Variants in MRRF observed in about 807,000 individuals in gnomAD.
The protein encoded by MRRF is ribosome-recycling factor, mitochondrial.
In MRRF, 18 loss-of-function variants were observed where a neutral mutation model predicts 25.1. That is an observed-to-expected ratio of 0.72 (90% CI 0.50 to 1.06). MRRF has a LOEUF of 1.06. MRRF is among the 50% of genes least tolerant of loss of function. MRRF has a pLI of 0.00. For synonymous variants in MRRF, 113 were observed against 112.1 expected, an observed-to-expected ratio of 1.01 and a Z score of -0.05; for missense variants, 323 against 319.3, an observed-to-expected ratio of 1.01 and a Z score of -0.09.
At chr9:122,317,754 G>A (rs1458883366) in intron 6 of MRRF, among the ~76,000 whole-genome samples, 2 of 152,132 alleles carry the variant, frequency 1.3e-5, no homozygotes, top group African/African-American at 2.4e-5. Context: ...TTTTGAGTGA[G>A]ATTATCTTTT....
chr9:122,295,745 C>A (rs1473031289), intron 5 of MRRF, among the ~76,000 whole-genome samples: 1 of 152,044 alleles, frequency 6.6e-6, no homozygotes, highest in Non-Finnish European at 1.5e-5. Context: ...TGCGCCTGGC[C>A]CCTTAGATCA....
chr9:122,295,817 G>C (rs578112216), intron 5 of MRRF, among the ~76,000 whole-genome samples: 1 of 152,198 alleles, frequency 6.6e-6, no homozygotes, highest in East Asian at 1.9e-4. Context: ...GATTGATCCT[G>C]ATTCTTCCAC....
intron 4 of MRRF, chr9:122,285,808 A>G (rs1437986093): frequency 7.8e-7 from 1 of 1,281,810 alleles, no homozygotes. Context: ...CAATACTTTA[A>G]TGGGCCAAAT....
chr9:122,268,034 A>C (rs143191603), intron 1 of MRRF, among the ~76,000 whole-genome samples: 143 of 152,336 alleles, frequency 9.4e-4, no homozygotes, highest in African/African-American at 3.3e-3. Flanking sequence ...TTGTTGGCTC[A>C]TACTTGGGAT....
chr9:122,283,611 A>G (rs747400436), intron 3 of MRRF, among the ~76,000 whole-genome samples: 5 of 152,234 alleles, frequency 3.3e-5, no homozygotes, highest in Admixed American at 6.5e-5. Context: ...TTATGATGAC[A>G]TTGAATCTGG....
intron 5 of MRRF, among the ~76,000 whole-genome samples, chr9:122,297,308 CA>C (rs910201996): frequency 2.0e-5 from 3 of 150,576 alleles, no homozygotes. Context: ...GACTCCATCT[CA>C]AAAAAAAAGA....
chr9:122,270,565 C>G (rs575358006), intron 1 of MRRF, among the ~76,000 whole-genome samples: 2 of 152,268 alleles, frequency 1.3e-5, no homozygotes, highest in East Asian at 3.9e-4. Context: ...AAGTTTTAGT[C>G]TGCTGCATAT....
At chr9:122,268,468 T>C (rs182647221) in intron 1 of MRRF, among the ~76,000 whole-genome samples, 2 of 152,296 alleles carry the variant, frequency 1.3e-5, no homozygotes, top group African/African-American at 4.8e-5. Flanking sequence ...TAGGCATTGG[T>C]TTTATTAGGG....
chr9:122,321,844 T>C (rs1239722013), intron 6 of MRRF, among the ~76,000 whole-genome samples: 1 of 152,200 alleles, frequency 6.6e-6, no homozygotes, highest in Non-Finnish European at 1.5e-5. Flanking sequence ...TAGGAAATTC[T>C]AGAGGCTCAT....
intron 3 of MRRF, among the ~76,000 whole-genome samples, chr9:122,284,947 C>T (rs1378764114): frequency 5.9e-5 from 9 of 152,206 alleles, no homozygotes; most frequent in African/African-American, 2.2e-4. Flanking sequence ...GCCACCATAC[C>T]TGCTAATTAA....
At chr9:122,273,637 A>G (rs1430669159) in intron 2 of MRRF, among the ~76,000 whole-genome samples, 1 of 152,174 alleles carries the variant, frequency 6.6e-6, no homozygotes, top group Non-Finnish European at 1.5e-5. Flanking sequence ...ACAATCATGT[A>G]CTTATTACCC....
chr9:122,321,421 A>G (rs1042515142), intron 6 of MRRF, among the ~76,000 whole-genome samples: 1 of 152,198 alleles, frequency 6.6e-6, no homozygotes, highest in Non-Finnish European at 1.5e-5. Flanking sequence ...TAGATTTTCT[A>G]ATTTTTGTAT....
chr9:122,295,697 C>T (rs905741479), intron 5 of MRRF, among the ~76,000 whole-genome samples: 5 of 152,130 alleles, frequency 3.3e-5, no homozygotes, highest in Admixed American at 6.5e-5. Context: ...CTGCCCACTT[C>T]GGCCACCCAA....
chr9:122,274,380 G>A (rs575757567), intron 2 of MRRF, among the ~76,000 whole-genome samples: 1 of 152,344 alleles, frequency 6.6e-6, no homozygotes, highest in East Asian at 1.9e-4. Context: ...ATTTAGGCCA[G>A]GCACGATGGC....
At chr9:122,293,614 C>CTA (rs1833907762) in intron 5 of MRRF, among the ~76,000 whole-genome samples, 1 of 152,158 alleles carries the variant, frequency 6.6e-6, no homozygotes, top group African/African-American at 2.4e-5. Context: ...ACAATATAAC[C>CTA]TAACGTTTAA....
At chr9:122,314,371 C>A (rs971389252) in intron 6 of MRRF, among the ~76,000 whole-genome samples, 1 of 152,192 alleles carries the variant, frequency 6.6e-6, no homozygotes, top group Non-Finnish European at 1.5e-5. Flanking sequence ...ATTTTAAACA[C>A]CTGCTCTTGT....
chr9:122,304,318 C>T (rs1225068274), intron 5 of MRRF, among the ~76,000 whole-genome samples: 3 of 152,162 alleles, frequency 2.0e-5, no homozygotes, highest in African/African-American at 7.2e-5. Context: ...CTGGGTAAGC[C>T]TTCATGCAGT....
intron 3 of MRRF, among the ~76,000 whole-genome samples, chr9:122,281,816 T>G (rs1833106846): frequency 6.6e-6 from 1 of 152,216 alleles, no homozygotes; most frequent in East Asian, 1.9e-4. Flanking sequence ...GAGTGTAATT[T>G]GTTAAATGTT....
In MRRF at chr9:122,278,791, T is replaced by TATAACAAA. The variant is rs1832924486; in HGVS notation, c.185-1652_185-1651insATAACAAA. On this transcript the variant is annotated intron_variant, in intron 2 of 6. Transcript: ENST00000344641. ...TCTTGGGCGTTTATAAAGATCTCTT[T>TATAACAAA]GTCCTTTGTTTTCTGCAGTCACAAC... 1.1e-4 allele frequency among the ~76,000 whole-genome samples: 16 copies of TATAACAAA among 152,348 alleles called. No individual in the cohort carries two copies. In the South Asian group the frequency reaches 3.3e-3, roughly 32 times the overall value.
Sources: gnomAD v4.1 joint callset for allele counts (sites outside exome capture counted in the v4.1 genomes callset) on GRCh38, gnomAD v4.1.1 for gene constraint, MANE v1.5 for transcripts, NCBI Gene and HGNC (gene_info 2026-07-23, HGNC 2026-07-21) for gene names.